Variants in DIP2C observed in about 807,000 individuals in gnomAD.
DIP2C encodes the protein disco-interacting protein 2 homolog C.
A neutral mutation model predicts 192.4 loss-of-function variants in DIP2C; 33 were observed. That is an observed-to-expected ratio of 0.17 (90% CI 0.13 to 0.23). The LOEUF (loss-of-function observed/expected upper bound fraction) is 0.23. Among genes scored for constraint, DIP2C ranks in the 10% least tolerant of loss-of-function variants. The pLI is 1.00. For missense variants in DIP2C, 1,537 were observed against 2,110.1 expected, an observed-to-expected ratio of 0.73 and a Z score of 5.32; for synonymous variants, 979 against 864.1, an observed-to-expected ratio of 1.13 and a Z score of -2.33.
chr10:441,688 T>TC (rs1967748373), intron 3 of DIP2C, among the ~76,000 whole-genome samples: 1 of 152,202 alleles, frequency 6.6e-6, no homozygotes, highest in South Asian at 2.1e-4. Context: ...TTCTGAGGCC[T>TC]CCCCAGCCAT....
At chr10:311,306 T>C (rs1956555560) in intron 31 of DIP2C, among the ~76,000 whole-genome samples, 3 of 152,258 alleles carry the variant, frequency 2.0e-5, no homozygotes, top group Admixed American at 6.5e-5. Flanking sequence ...ACAACAGAGA[T>C]GAACCAAACT....
chr10:550,022 T>TTC (rs1554898435), intron 1 of DIP2C, among the ~76,000 whole-genome samples: 2 of 151,292 alleles, frequency 1.3e-5, no homozygotes, highest in Non-Finnish European at 3.0e-5. Context: ...TTTTTTTTTT[T>TTC]TTCTCTTAAG....
intron 31 of DIP2C, among the ~76,000 whole-genome samples, chr10:317,245 C>A (rs1956813920): frequency 6.6e-6 from 1 of 152,214 alleles, no homozygotes; most frequent in Non-Finnish European, 1.5e-5. Context: ...ACAGTGTGAA[C>A]TCAGCTCAGG....
At chr10:580,862 G>A (rs1403043800) in intron 1 of DIP2C, among the ~76,000 whole-genome samples, 1 of 152,238 alleles carries the variant, frequency 6.6e-6, no homozygotes, top group Non-Finnish European at 1.5e-5. Flanking sequence ...TGGCTTGACT[G>A]TGGAGTTCAG....
chr10:551,533 G>C (rs1180635398), intron 1 of DIP2C, among the ~76,000 whole-genome samples: 1 of 152,104 alleles, frequency 6.6e-6, no homozygotes, highest in Non-Finnish European at 1.5e-5. Flanking sequence ...AGGAGGCCTC[G>C]GTGCACAAAC....
chr10:683,076 C>G (rs1831189295), intron 1 of DIP2C, among the ~76,000 whole-genome samples: 1 of 152,352 alleles, frequency 6.6e-6, no homozygotes, highest in African/African-American at 2.4e-5. Context: ...TCACTACCAA[C>G]ATACCCCGCA....
chr10:319,262 TTC>T (rs1181368662), intron 31 of DIP2C, among the ~76,000 whole-genome samples: 3 of 152,222 alleles, frequency 2.0e-5, no homozygotes, highest in Admixed American at 1.3e-4. Context: ...GGGGCTGTAT[TTC>T]TCTTTCATTG....
intron 9 of DIP2C, among the ~76,000 whole-genome samples, chr10:404,157 G>A (rs1376520659): frequency 1.3e-5 from 2 of 150,820 alleles, no homozygotes; most frequent in African/African-American, 2.4e-5. Flanking sequence ...TCATCAGCAC[G>A]TGAATCCTAT....
At chr10:600,331 C>G (rs1851975449) in intron 1 of DIP2C, among the ~76,000 whole-genome samples, 2 of 152,104 alleles carry the variant, frequency 1.3e-5, no homozygotes, top group African/African-American at 4.8e-5. Context: ...CCACTCCTTC[C>G]TCAGCCAGCC....
At chr10:634,366 A>G (rs1260841061) in intron 1 of DIP2C, among the ~76,000 whole-genome samples, 1 of 152,224 alleles carries the variant, frequency 6.6e-6, no homozygotes, top group Admixed American at 6.5e-5. Flanking sequence ...CTACTTGTCC[A>G]GGGCAGATCC....
chr10:494,500 T>G (rs895168100), intron 1 of DIP2C, among the ~76,000 whole-genome samples: 1 of 152,246 alleles, frequency 6.6e-6, no homozygotes, highest in African/African-American at 2.4e-5. Flanking sequence ...TAGCTACGGC[T>G]TTCTGCTCAG....
chr10:414,779 A>G (rs1308647231), intron 7 of DIP2C, among the ~76,000 whole-genome samples: 2 of 130,576 alleles, frequency 1.5e-5, no homozygotes, highest in Non-Finnish European at 3.1e-5. Context: ...TATAATGTGT[A>G]TATATATATA....
intron 1 of DIP2C, among the ~76,000 whole-genome samples, chr10:514,450 AT>A (rs1846224003): frequency 6.6e-6 from 1 of 152,062 alleles, no homozygotes; most frequent in Non-Finnish European, 1.5e-5. Flanking sequence ...TGTCCGAGGA[AT>A]TTACACTGCA....
chr10:417,233 A>G (rs1488551962), intron 6 of DIP2C, among the ~76,000 whole-genome samples: 1 of 152,134 alleles, frequency 6.6e-6, no homozygotes, highest in East Asian at 1.9e-4. Context: ...CTTCTAGCTC[A>G]TGACGTCTGG....
chr10:597,585 A>G (rs1416550160), intron 1 of DIP2C, among the ~76,000 whole-genome samples: 2 of 152,224 alleles, frequency 1.3e-5, no homozygotes, highest in African/African-American at 4.8e-5. Context: ...GCAAAGAATC[A>G]ATGTCACTTG....
intron 31 of DIP2C, among the ~76,000 whole-genome samples, chr10:317,337 C>A (rs965101175): frequency 1.3e-5 from 2 of 152,216 alleles, no homozygotes; most frequent in East Asian, 3.9e-4. Context: ...AATGCCTGCT[C>A]ATTTACATAT....
chr10:483,717 A>G (rs1453459304), intron 2 of DIP2C, among the ~76,000 whole-genome samples: 7 of 152,208 alleles, frequency 4.6e-5, no homozygotes, highest in Non-Finnish European at 7.3e-5. Flanking sequence ...GGGCCCAGAG[A>G]GGAGGAACGC....
At chr10:486,180 T>C (rs1844000253) in intron 2 of DIP2C, among the ~76,000 whole-genome samples, 1 of 152,252 alleles carries the variant, frequency 6.6e-6, no homozygotes, top group Non-Finnish European at 1.5e-5. Context: ...AATGCACTCA[T>C]ATTTTTACGA....
At position 440,461 on chromosome 10, in the gene DIP2C, A is replaced by G. The variant is rs186260526; in HGVS notation, c.394+410T>C. 7.2e-5 allele frequency among the ~76,000 whole-genome samples: 11 copies of G among 152,336 alleles called. No homozygotes were observed. In the East Asian group the frequency reaches 1.5e-3, roughly 21 times the overall value. On this transcript the variant is annotated intron_variant, in intron 4 of 36. Transcript: ENST00000280886. ...TTTGGGTAACTGCCTAAATTGTCCA[A>G]TTTGCTTGTTCTAAAACAATACAAC...
Sources: allele counts gnomAD v4.1 joint callset (sites outside exome capture counted in the v4.1 genomes callset), GRCh38; gene constraint gnomAD v4.1.1; transcripts MANE v1.5; gene names NCBI Gene and HGNC (gene_info 2026-07-23, HGNC 2026-07-21).